UTRN: variants seen among roughly 807,000 people sequenced by gnomAD.
UTRN encodes the protein utrophin, also known as dystrophin-related protein 1.
A neutral mutation model predicts 463.9 loss-of-function variants in UTRN; 283 were observed. That is an observed-to-expected ratio of 0.61 (90% CI 0.55 to 0.67). The LOEUF is 0.67. Ranked by LOEUF, UTRN falls within the 30% of genes least tolerant of loss-of-function variation. The probability of loss-of-function intolerance (pLI) is 0.00; values close to 1 mark genes in which losing one functional copy is unlikely to be tolerated. For missense variants in UTRN, 3,922 were observed against 4,084.3 expected (o/e 0.96, Z 1.08); for synonymous variants, 1,442 against 1,431.5 (o/e 1.01, Z -0.17).
At chr6:144,633,454 G>A (rs1042929349) in intron 51 of UTRN, among the ~76,000 whole-genome samples, 2 of 151,800 alleles carry the variant, frequency 1.3e-5, no homozygotes, top group African/African-American at 2.4e-5. Context: ...GAATGATCTC[G>A]ATCTCCTGAC....
At chr6:144,790,243 A>G (rs553003949) in intron 62 of UTRN, among the ~76,000 whole-genome samples, 30 of 152,320 alleles carry the variant, frequency 2.0e-4, no homozygotes, top group African/African-American at 7.0e-4. Flanking sequence ...TAAAATGTGA[A>G]TTTGATCCCA....
chr6:144,650,671 G>A (rs1778720486), intron 51 of UTRN, among the ~76,000 whole-genome samples: 1 of 152,146 alleles, frequency 6.6e-6, no homozygotes, highest in Non-Finnish European at 1.5e-5. Context: ...AGCACTTTAG[G>A]AGGCCAAGGC....
intron 51 of UTRN, among the ~76,000 whole-genome samples, chr6:144,676,054 CT>C (rs566771831): frequency 3.8e-4 from 57 of 150,062 alleles, no homozygotes; most frequent in African/African-American, 7.1e-4. Flanking sequence ...AACTATTTTT[CT>C]TTTTTTTTGG....
At chr6:144,539,745 T>C (rs566591029) in intron 45 of UTRN, among the ~76,000 whole-genome samples, 19 of 152,048 alleles carry the variant, frequency 1.2e-4, no homozygotes, top group Non-Finnish European at 2.5e-4. Context: ...ATGAAGACCT[T>C]AAAATAGCAT....
At chr6:144,653,877 G>C (rs1184991717) in intron 51 of UTRN, among the ~76,000 whole-genome samples, 1 of 152,142 alleles carries the variant, frequency 6.6e-6, no homozygotes, top group Non-Finnish European at 1.5e-5. Flanking sequence ...ATAATCTCTA[G>C]GAAATGTAAT....
At chr6:144,500,694 A>C (rs1415330831) in intron 34 of UTRN, among the ~76,000 whole-genome samples, 1 of 152,194 alleles carries the variant, frequency 6.6e-6, no homozygotes, top group Non-Finnish European at 1.5e-5. Flanking sequence ...GCAAACTTTC[A>C]GATGTAAAGA....
intron 51 of UTRN, among the ~76,000 whole-genome samples, chr6:144,587,861 A>T (rs542906690): frequency 2.0e-5 from 3 of 152,148 alleles, no homozygotes; most frequent in Admixed American, 6.5e-5. Context: ...CAGAGTCATG[A>T]CCCTCTAGTC....
Position 144,285,451 on chromosome 6 carries a change from G to GC in UTRN, c.-457dup, listed in dbSNP as rs1803586453. Among the ~76,000 whole-genome samples, 1 of 152,192 alleles carries GC rather than the reference G, an allele frequency of 6.6e-6. No individual in the cohort carries two copies. Among genetic ancestry groups the GC allele is most frequent in the Non-Finnish European group, 1.5e-5 (1 of 68,030 alleles). On this transcript the variant is annotated 5_prime_UTR_variant, in exon 1 of 75. Transcript: ENST00000367545. ...CGATTGGGGAATCACGGGGAGCGGCGCCCCCCTTCTTTTGGGTCATTTCTG... is the reference window on the plus strand; with the variant it reads ...CGATTGGGGAATCACGGGGAGCGGCGCCCCCCCTTCTTTTGGGTCATTTCTG...
At chr6:144,772,580 G>T (rs1001901124) in intron 59 of UTRN, among the ~76,000 whole-genome samples, 3 of 152,016 alleles carry the variant, frequency 2.0e-5, no homozygotes, top group Non-Finnish European at 4.4e-5. Flanking sequence ...AGCTTTGCAC[G>T]CAAAAAATAT....
intron 39 of UTRN, 75 bp downstream of exon 39, chr6:144,517,023 A>C: frequency 1.6e-6 from 2 of 1,279,622 alleles, no homozygotes; most frequent in Non-Finnish European, 2.0e-6. Context: ...GTGATGCTGC[A>C]TCACAGATGC....
intron 50 of UTRN, among the ~76,000 whole-genome samples, chr6:144,563,762 T>G (rs1188608094): frequency 6.6e-6 from 1 of 152,234 alleles, no homozygotes; most frequent in Non-Finnish European, 1.5e-5. Context: ...AATTATAGTC[T>G]TCTATATTTT....
At chr6:144,518,848 A>G (rs1379442637) in intron 39 of UTRN, among the ~76,000 whole-genome samples, 2 of 152,306 alleles carry the variant, frequency 1.3e-5, no homozygotes, top group Admixed American at 6.5e-5. Context: ...ACAAACTTCA[A>G]ATCTATAGTT....
At chr6:144,689,546 A>G (rs950608246) in intron 52 of UTRN, among the ~76,000 whole-genome samples, 5 of 152,134 alleles carry the variant, frequency 3.3e-5, no homozygotes, top group African/African-American at 1.2e-4. Context: ...GGGCCAGACT[A>G]TTGTGAATGC....
chr6:144,473,739 A>C lies in UTRN; in HGVS notation c.3086A>C (p.Glu1029Ala), dbSNP rs1200973244. 6.2e-7 allele frequency: 1 copy of C among 1,614,020 alleles called. No homozygotes were observed. Among genetic ancestry groups the C allele is most frequent in the Non-Finnish European group, 8.5e-7 (1 of 1,180,004 alleles). ...RAFEADSTVI[E>A]KWMDGVKDFL... is the part of the protein sequence containing the mutation. Reference sequence around the variant, plus strand: ...GATTAGGCCGATTCAACAGTCATTGAGAAGTGGATGGATGGCGTGAAAGAC... The same window carrying C: ...GATTAGGCCGATTCAACAGTCATTGCGAAGTGGATGGATGGCGTGAAAGAC... Residue 1029 changes from glutamate to alanine, a missense_variant, in exon 24 of 75, where the codon GAG becomes GCG. Glu to Ala is a moderately radical substitution (Grantham distance 107). Coordinates refer to ENST00000367545, the MANE Select transcript of UTRN (RefSeq NM_007124.3).
intron 26 of UTRN, among the ~76,000 whole-genome samples, chr6:144,481,806 C>A (rs1376399509): frequency 6.6e-6 from 1 of 152,208 alleles, no homozygotes; most frequent in African/African-American, 2.4e-5. Flanking sequence ...GCCTCTAATC[C>A]CAGCACTTTG....
intron 51 of UTRN, among the ~76,000 whole-genome samples, chr6:144,589,854 CT>C (rs377435663): frequency 2.3e-3 from 333 of 145,398 alleles, no homozygotes; most frequent in African/African-American, 7.1e-3. Context: ...TTGCTGACAG[CT>C]TTTTTTTTTT....
chr6:144,391,457 C>G (rs1335297885), intron 2 of UTRN, among the ~76,000 whole-genome samples: 1 of 151,880 alleles, frequency 6.6e-6, no homozygotes, highest in Non-Finnish European at 1.5e-5. Context: ...TAAATTATGG[C>G]TTTTTTTTGA....
intron 34 of UTRN, among the ~76,000 whole-genome samples, chr6:144,508,060 G>A (rs751715136): frequency 9.9e-5 from 15 of 152,170 alleles, no homozygotes; most frequent in Admixed American, 4.6e-4. Context: ...GCCTACTCAA[G>A]CCTCAGTAAT....
intron 53 of UTRN, among the ~76,000 whole-genome samples, chr6:144,701,975 C>T (rs778596170): frequency 6.8e-4 from 104 of 152,110 alleles, no homozygotes; most frequent in Non-Finnish European, 8.5e-4. Context: ...TTTAAAATGA[C>T]CGATTTAAGA....
Sources: allele counts gnomAD v4.1 joint callset (sites outside exome capture counted in the v4.1 genomes callset), GRCh38; gene constraint gnomAD v4.1.1; transcripts MANE v1.5; gene names NCBI Gene and HGNC (gene_info 2026-07-23, HGNC 2026-07-21).